JARID2: variants seen among roughly 807,000 people sequenced by gnomAD.
JARID2 encodes the protein jumonji and AT-rich interaction domain containing 2, also known as protein Jumonji.
Under a neutral mutation model 125.6 loss-of-function variants are expected in JARID2, and 21 were observed. The observed-to-expected ratio is 0.17, with a 90% CI of 0.12 to 0.24. JARID2 has a LOEUF of 0.24. Among genes scored for constraint, JARID2 ranks in the 10% least tolerant of loss-of-function variants. The pLI is 1.00. For synonymous variants in JARID2, 736 were observed against 661.6 expected, an observed-to-expected ratio of 1.11 and a Z score of -1.73; for missense variants, 1,303 against 1,639.6, an observed-to-expected ratio of 0.79 and a Z score of 3.55.
chr6:15,451,198 T>C (rs548172630), intron 3 of JARID2, among the ~76,000 whole-genome samples: 1 of 152,324 alleles, frequency 6.6e-6, no homozygotes, highest in Non-Finnish European at 1.5e-5. Context: ...AGGATTTGTT[T>C]TGATAGAAAG....
chr6:15,489,010 C>A (rs115256786), intron 6 of JARID2, among the ~76,000 whole-genome samples: 1 of 152,146 alleles, frequency 6.6e-6, no homozygotes, highest in Non-Finnish European at 1.5e-5. Flanking sequence ...TTCACTCCCC[C>A]GCTGTTCCCA....
chr6:15,296,563 T>G (rs1467744521), intron 1 of JARID2, among the ~76,000 whole-genome samples: 2 of 152,158 alleles, frequency 1.3e-5, no homozygotes, highest in East Asian at 3.9e-4. Context: ...CAACACATAG[T>G]TTTTATAATT....
At position 15,247,649 on chromosome 6, in the gene JARID2, T is replaced by C. The variant is rs574289833; in HGVS notation, c.45+1065T>C. On this transcript the variant is annotated intron_variant, in intron 1 of 17. Transcript: ENST00000341776. ...TGTTAATATTTTCCCTTTTTGATCA[T>C]TGTGGTGTGTGTAATGAGAGATGAC... 789 of 985,152 alleles carry C rather than the reference T, an allele frequency of 8.0e-4. 1 individual carries two copies. Among genetic ancestry groups the C allele is most frequent in the Non-Finnish European group, 9.0e-4 (744 of 829,882 alleles). 61.0% of individuals were successfully genotyped at this position (985,152 alleles called of 1,614,324 possible).
chr6:15,248,220 A>T (rs1353170202), intron 1 of JARID2: 7 of 303,314 alleles, frequency 2.3e-5, no homozygotes, highest in Admixed American at 7.0e-5. Context: ...CGGCTGCGAA[A>T]GGGACGGCCC....
chr6:15,421,341 A>T (rs1241796872), intron 3 of JARID2, among the ~76,000 whole-genome samples: 1 of 151,936 alleles, frequency 6.6e-6, no homozygotes, highest in Non-Finnish European at 1.5e-5. Flanking sequence ...TGAGAGTGTG[A>T]GAGAGACACG....
intron 1 of JARID2, among the ~76,000 whole-genome samples, chr6:15,348,560 T>G (rs1763324134): frequency 6.6e-6 from 1 of 152,216 alleles, no homozygotes; most frequent in Non-Finnish European, 1.5e-5. Context: ...TGAACTTAAT[T>G]AAATTTTTTT....
intron 3 of JARID2, among the ~76,000 whole-genome samples, chr6:15,445,005 G>T (rs76418994): frequency 1.1e-4 from 17 of 151,960 alleles, no homozygotes; most frequent in Non-Finnish European, 2.1e-4. Context: ...GGGTTTGCAG[G>T]CTATCAGAAA....
intron 1 of JARID2, among the ~76,000 whole-genome samples, chr6:15,272,526 A>G (rs1581351389): frequency 6.6e-6 from 1 of 152,242 alleles, no homozygotes; most frequent in East Asian, 1.9e-4. Flanking sequence ...ACAGCATTTT[A>G]CGTATTCACT....
intron 9 of JARID2, among the ~76,000 whole-genome samples, 174 bp downstream of exon 9, chr6:15,504,766 A>G (rs1485460839): frequency 6.6e-6 from 1 of 152,182 alleles, no homozygotes; most frequent in African/African-American, 2.4e-5. Flanking sequence ...GTTTTAACTT[A>G]GGTTGATCTA....
intron 6 of JARID2, among the ~76,000 whole-genome samples, chr6:15,492,236 C>T (rs1770184930): frequency 6.6e-6 from 1 of 152,242 alleles, no homozygotes; most frequent in African/African-American, 2.4e-5. Flanking sequence ...GGAGTAACTT[C>T]AAGCACTTAT....
At chr6:15,481,204 C>T (rs995655778) in intron 5 of JARID2, among the ~76,000 whole-genome samples, 3 of 152,188 alleles carry the variant, frequency 2.0e-5, no homozygotes, top group Admixed American at 1.3e-4. Flanking sequence ...TTTCTATAGG[C>T]CGTTTAACTT....
At chr6:15,423,139 C>T (rs1403673297) in intron 3 of JARID2, among the ~76,000 whole-genome samples, 1 of 152,070 alleles carries the variant, frequency 6.6e-6, no homozygotes, top group Non-Finnish European at 1.5e-5. Context: ...GGTGGGACTA[C>T]AGGTATGTGC....
At chr6:15,279,980 A>C (rs1416105924) in intron 1 of JARID2, among the ~76,000 whole-genome samples, 2 of 152,196 alleles carry the variant, frequency 1.3e-5, no homozygotes, top group African/African-American at 4.8e-5. Context: ...TATTTCGGGA[A>C]ATTTCATGTC....
At chr6:15,517,325 C>T (rs935192549) in intron 17 of JARID2, 57 bp downstream of exon 17, 16 of 1,242,846 alleles carry the variant, frequency 1.3e-5, no homozygotes, top group African/African-American at 4.4e-5. Context: ...TCCCTGCTCC[C>T]GGCTGGATGT....
At chr6:15,455,655 C>T (rs549847066) in intron 4 of JARID2, among the ~76,000 whole-genome samples, 62 of 152,296 alleles carry the variant, frequency 4.1e-4, no homozygotes, top group African/African-American at 1.5e-3. Context: ...CCTCAGCCTC[C>T]CGAGTAGCTG....
chr6:15,356,409 TCTG>T (rs1384468895), intron 1 of JARID2, among the ~76,000 whole-genome samples: 3 of 152,200 alleles, frequency 2.0e-5, no homozygotes, highest in Admixed American at 6.5e-5. Flanking sequence ...TTCACCAACG[TCTG>T]CTGTTTTTCT....
At chr6:15,517,102 C>G (rs1316983098) in intron 16 of JARID2, 59 bp from the exon 17 acceptor site, 2 of 1,321,602 alleles carry the variant, frequency 1.5e-6, no homozygotes, top group Non-Finnish European at 2.2e-6. Context: ...CCTACCTTAC[C>G]CTCCCAGGGC....
chr6:15,317,930 C>T (rs1357860486), intron 1 of JARID2, among the ~76,000 whole-genome samples: 1 of 152,182 alleles, frequency 6.6e-6, no homozygotes, highest in East Asian at 1.9e-4. Flanking sequence ...CCAGCAGTGC[C>T]TGCAAGTTCC....
At chr6:15,515,621 C>CA (rs1193255127) in intron 16 of JARID2, among the ~76,000 whole-genome samples, 3 of 151,546 alleles carry the variant, frequency 2.0e-5, no homozygotes, top group Non-Finnish European at 2.9e-5. Context: ...CTAATCTCTA[C>CA]AAAAAATACA....
Sources: gnomAD v4.1 joint callset for allele counts (sites outside exome capture counted in the v4.1 genomes callset) on GRCh38, gnomAD v4.1.1 for gene constraint, MANE v1.5 for transcripts, NCBI Gene and HGNC (gene_info 2026-07-23, HGNC 2026-07-21) for gene names.